Variants in CDKL5 observed in about 807,000 individuals in gnomAD.
The protein encoded by CDKL5 is cyclin-dependent kinase-like 5.
A neutral mutation model predicts 61.7 loss-of-function variants in CDKL5; 8 were observed. The ratio of observed to expected loss-of-function variants is 0.13; its 90% CI spans 0.08 to 0.23. CDKL5 has a LOEUF of 0.23. Among genes scored for constraint, CDKL5 ranks in the 10% least tolerant of loss-of-function variants. CDKL5 has a pLI of 1.00. For missense variants in CDKL5, 440 were observed against 734.5 expected (o/e 0.60, Z 4.63); for synonymous variants, 275 against 272.3 (o/e 1.01, Z -0.10).
chrX:18,482,004 A>C (rs1403532338), intron 1 of CDKL5, among the ~76,000 whole-genome samples: 1 of 110,997 alleles, frequency 9.0e-6, no homozygotes, highest in African/African-American at 3.3e-5. Flanking sequence ...GGGAGAGGGA[A>C]TGGGCATGTA....
chrX:18,586,725 T>A (rs1925654847), intron 8 of CDKL5, among the ~76,000 whole-genome samples: 1 of 112,006 alleles, frequency 8.9e-6, no homozygotes, highest in African/African-American at 3.2e-5. Flanking sequence ...TCATTCCAGC[T>A]GCATAAATTA....
At chrX:18,612,313 A>G (rs1011992966) in intron 14 of CDKL5, among the ~76,000 whole-genome samples, 4 of 111,667 alleles carry the variant, frequency 3.6e-5, no homozygotes, top group African/African-American at 9.8e-5. Flanking sequence ...AGAAAGCTTT[A>G]ACTTCAAAGA....
chrX:18,643,684 A>G (rs1162337166), downstream of CDKL5, among the ~76,000 whole-genome samples: 1 of 112,066 alleles, frequency 8.9e-6, no homozygotes, highest in Non-Finnish European at 1.9e-5. Flanking sequence ...AGAGACTTAC[A>G]AAGCCTTCTG....
intron 3 of CDKL5, among the ~76,000 whole-genome samples, chrX:18,557,044 CT>C (rs754658136): frequency 2.1e-3 from 236 of 111,338 alleles, no homozygotes; most frequent in African/African-American, 7.1e-3. Flanking sequence ...ATTTAAAATA[CT>C]TTAGTTATGA....
chrX:18,452,819 GTTTTTTT>G (rs757726659), intron 1 of CDKL5, among the ~76,000 whole-genome samples: 1 of 57,681 alleles, frequency 1.7e-5, no homozygotes, highest in African/African-American at 6.9e-5. Flanking sequence ...TAGTTCTCAA[GTTTTTTT>G]TTTTTTTTTT....
intron 1 of CDKL5, among the ~76,000 whole-genome samples, chrX:18,499,710 G>T (rs935241318): frequency 8.9e-6 from 1 of 111,910 alleles, no homozygotes. Flanking sequence ...TGTTTTGTAG[G>T]CTATTGCTGA....
chrX:18,478,535 C>T (rs961606095), intron 1 of CDKL5, among the ~76,000 whole-genome samples: 4 of 109,364 alleles, frequency 3.7e-5, no homozygotes, highest in African/African-American at 1.3e-4. Flanking sequence ...AAGTGATCTG[C>T]CCACCTCGGC....
chrX:18,581,828 A>T, intron 6 of CDKL5, 63 bp from the exon 7 acceptor site: 2 of 726,856 alleles, frequency 2.8e-6, no homozygotes, highest in Non-Finnish European at 4.4e-6. Context: ...CAGTGATCTA[A>T]CAGTGTCAAT....
At chrX:18,501,473 C>T (rs754246844) in intron 1 of CDKL5, among the ~76,000 whole-genome samples, 1 of 111,316 alleles carries the variant, frequency 9.0e-6, no homozygotes, top group Non-Finnish European at 1.9e-5. Flanking sequence ...CTCACCTGGC[C>T]TAATTCCCAG....
At chrX:18,428,699 A>G (rs1170836698) in intron 1 of CDKL5, among the ~76,000 whole-genome samples, 1 of 110,509 alleles carries the variant, frequency 9.0e-6, no homozygotes, top group Non-Finnish European at 1.9e-5. Context: ...ATTTACTCAG[A>G]ATTGGGTAAT....
downstream of CDKL5, chrX:18,642,249 A>T: frequency 1.0e-6 from 1 of 981,498 alleles, no homozygotes; most frequent in Non-Finnish European, 1.5e-6. Flanking sequence ...TTTTAACTAT[A>T]GAAATGATTA....
At chrX:18,584,418 G>C (rs910514204) in intron 8 of CDKL5, 65 bp downstream of exon 8, 4 of 740,635 alleles carry the variant, frequency 5.4e-6, no homozygotes, top group Non-Finnish European at 6.4e-6. Context: ...CATTTGCTTT[G>C]AGTTCATCTA....
chrX:18,651,647 G>A (rs3788810), intron 21 of CDKL5, among the ~76,000 whole-genome samples: 2 of 111,363 alleles, frequency 1.8e-5, no homozygotes, highest in South Asian at 7.6e-4. Flanking sequence ...GCAAGCTCGT[G>A]GGGGGTTCAT....
chrX:18,625,395 A>T, intron 17 of CDKL5, 148 bp downstream of exon 17: 2 of 594,118 alleles, frequency 3.4e-6, no homozygotes, highest in South Asian at 2.5e-5. Flanking sequence ...TTATAGCCAG[A>T]TGCATCTCGT....
chrX:18,626,938 C>T (rs1000942891), intron 17 of CDKL5: 3 of 108,388 alleles, frequency 2.8e-5, no homozygotes, highest in East Asian at 5.8e-4. Flanking sequence ...TTTATAGAGA[C>T]GGGGTCTCGC....
At chrX:18,426,047 C>T (rs912633597) in intron 1 of CDKL5, among the ~76,000 whole-genome samples, 2 of 112,459 alleles carry the variant, frequency 1.8e-5, no homozygotes, top group East Asian at 5.8e-4. Context: ...CCGCCGCTCC[C>T]GCGGCACGAG....
chrX:18,473,712 C>CT (rs749380907), intron 1 of CDKL5, among the ~76,000 whole-genome samples: 1,023 of 97,490 alleles, frequency 0.01, 5 homozygotes, highest in Non-Finnish European at 0.015. Flanking sequence ...ACTTCTCTCT[C>CT]TTTTTTTTTT....
At chrX:18,430,644 C>T (rs1012942344) in intron 1 of CDKL5, among the ~76,000 whole-genome samples, 2 of 109,943 alleles carry the variant, frequency 1.8e-5, no homozygotes, top group East Asian at 2.9e-4. Flanking sequence ...GGAGTTTCAC[C>T]GTGTTGCCCA....
chrX:18,459,412 A>G (rs1248313586), intron 1 of CDKL5, among the ~76,000 whole-genome samples: 1 of 109,490 alleles, frequency 9.1e-6, no homozygotes, highest in African/African-American at 3.3e-5. Context: ...ACAAAAAAAA[A>G]TTAGCCAGGC....
Sources: allele counts gnomAD v4.1 joint callset (sites outside exome capture counted in the v4.1 genomes callset), GRCh38; gene constraint gnomAD v4.1.1; transcripts MANE v1.5; gene names NCBI Gene and HGNC (gene_info 2026-07-23, HGNC 2026-07-21).